Variants in IRAK1BP1 observed in about 807,000 individuals in gnomAD.
The protein encoded by IRAK1BP1 is interleukin 1 receptor associated kinase 1 binding protein 1.
IRAK1BP1 carries 24 observed loss-of-function variants against 28.0 expected under a neutral mutation model. The observed-to-expected ratio is 0.86, with a 90% confidence interval of 0.62 to 1.20. The LOEUF is 1.20. IRAK1BP1 is among the 50% of genes most tolerant of loss of function. IRAK1BP1 has a pLI of 0.00. For missense variants in IRAK1BP1, 336 were observed against 316.7 expected (o/e 1.06, Z -0.46); for synonymous variants, 131 against 116.3 (o/e 1.13, Z -0.81).
chr6:78,953,530 A>T, the IRAK1BP1 span, among the ~76,000 whole-genome samples: 1 of 152,250 alleles, frequency 6.6e-6, no homozygotes. Flanking sequence ...AATGAAAGCC[A>T]GAACATTATA....
At chr6:78,924,675 TA>T (rs1772838486) in intron 4 of IRAK1BP1, among the ~76,000 whole-genome samples, 1 of 152,060 alleles carries the variant, frequency 6.6e-6, no homozygotes, top group African/African-American at 2.4e-5. Flanking sequence ...CTTCATAAAA[TA>T]CTGGCAAACT....
the IRAK1BP1 span, among the ~76,000 whole-genome samples, chr6:78,952,433 A>C: frequency 1.3e-5 from 2 of 150,972 alleles, no homozygotes; most frequent in Admixed American, 6.6e-5. Flanking sequence ...AAAAAGAAAA[A>C]AAAAAAAGAA....
intron 2 of IRAK1BP1, among the ~76,000 whole-genome samples, chr6:78,894,132 G>A (rs1771795774): frequency 1.3e-5 from 2 of 151,950 alleles, no homozygotes; most frequent in South Asian, 4.2e-4. Flanking sequence ...AAATAATGGA[G>A]TTACGGCTAA....
At chr6:78,966,083 C>T in the IRAK1BP1 span, 1 of 1,368,952 alleles carries the variant, frequency 7.3e-7, no homozygotes, top group Non-Finnish European at 1.0e-6. Flanking sequence ...ACTAACTCAT[C>T]ATTCTGAAAT....
At chr6:78,941,822 G>A (rs1290135475) in intron 4 of IRAK1BP1, among the ~76,000 whole-genome samples, 1 of 152,096 alleles carries the variant, frequency 6.6e-6, no homozygotes, top group Non-Finnish European at 1.5e-5. Flanking sequence ...ATCACTATGT[G>A]TGCCACCATT....
At chr6:78,927,952 T>C (rs528548666) in intron 4 of IRAK1BP1, among the ~76,000 whole-genome samples, 10 of 152,304 alleles carry the variant, frequency 6.6e-5, no homozygotes, top group Non-Finnish European at 1.2e-4. Flanking sequence ...TGTAGTATAA[T>C]TTGGAGTCAG....
At chr6:78,919,494 G>A (rs1266078466) in intron 4 of IRAK1BP1, among the ~76,000 whole-genome samples, 1 of 152,068 alleles carries the variant, frequency 6.6e-6, no homozygotes, top group Non-Finnish European at 1.5e-5. Flanking sequence ...AGCACAATTA[G>A]AAATTACAAA....
intron 1 of IRAK1BP1, chr6:78,872,022 TC>T (rs1770811620): frequency 1.6e-6 from 1 of 633,118 alleles, no homozygotes; most frequent in Non-Finnish European, 2.8e-6. Context: ...TAAAGTCCTC[TC>T]CCCCAGCCCC....
At chr6:78,931,935 G>A (rs1348364999) in intron 4 of IRAK1BP1, among the ~76,000 whole-genome samples, 6 of 152,132 alleles carry the variant, frequency 3.9e-5, no homozygotes, top group Admixed American at 2.6e-4. Flanking sequence ...TAGAACTTTC[G>A]AAATTGGAGT....
chr6:78,903,130 G>T, downstream of IRAK1BP1: 1 of 1,265,108 alleles, frequency 7.9e-7, no homozygotes, highest in South Asian at 1.3e-5. Context: ...TTCATTATAA[G>T]AGTGAGAAAA....
At chr6:78,970,074 G>C in the IRAK1BP1 span, 3 of 1,613,514 alleles carry the variant, frequency 1.9e-6, no homozygotes, top group Non-Finnish European at 1.7e-6. Flanking sequence ...CCGCCAGTCA[G>C]TTTACCAGTA....
chr6:78,965,689 TA>T, the IRAK1BP1 span: 1 of 1,452,374 alleles, frequency 6.9e-7, no homozygotes, highest in Non-Finnish European at 9.6e-7. Flanking sequence ...ACAAAAAGCC[TA>T]ACACACACTT....
intron 1 of IRAK1BP1, among the ~76,000 whole-genome samples, chr6:78,868,856 A>C (rs1210366887): frequency 6.6e-6 from 1 of 152,228 alleles, no homozygotes; most frequent in Admixed American, 6.5e-5. Flanking sequence ...AGGACCCCAA[A>C]GGCCAGAGAT....
At chr6:78,947,869 C>T (rs144013355), downstream of IRAK1BP1, 101 of 784,074 alleles carry the variant, frequency 1.3e-4, 1 homozygote, top group East Asian at 2.6e-3. Context: ...ATGATGACTG[C>T]AAGTCCTAGA....
chr6:78,923,143 C>G (rs965834961), intron 4 of IRAK1BP1, among the ~76,000 whole-genome samples: 2 of 152,052 alleles, frequency 1.3e-5, no homozygotes, highest in Admixed American at 6.5e-5. Flanking sequence ...TGGATAAAGA[C>G]TCAAGACCCA....
chr6:78,940,410 TCAAA>T (rs1256861331), intron 4 of IRAK1BP1: 2 of 153,116 alleles, frequency 1.3e-5, no homozygotes, highest in African/African-American at 4.8e-5. Flanking sequence ...TTCTTTCGTT[TCAAA>T]CAGTGAATGA....
intron 4 of IRAK1BP1, among the ~76,000 whole-genome samples, chr6:78,908,615 A>G (rs570767619): frequency 2.0e-5 from 3 of 152,224 alleles, no homozygotes; most frequent in Non-Finnish European, 2.9e-5. Context: ...TGCTAGGATT[A>G]CAGGTGTAAG....
the IRAK1BP1 span, among the ~76,000 whole-genome samples, chr6:78,964,147 CATA>C: frequency 6.6e-6 from 1 of 152,154 alleles, no homozygotes; most frequent in South Asian, 2.1e-4. Flanking sequence ...AAAACAAAAA[CATA>C]AGCCATGTAA....
downstream of IRAK1BP1, among the ~76,000 whole-genome samples, chr6:78,905,610 T>C (rs541314657): frequency 6.6e-6 from 1 of 152,254 alleles, no homozygotes; most frequent in East Asian, 1.9e-4. Flanking sequence ...TTGTTAGAAA[T>C]GTTTTTTTTG....
Sources: gnomAD v4.1 joint callset for allele counts (sites outside exome capture counted in the v4.1 genomes callset) on GRCh38, gnomAD v4.1.1 for gene constraint, MANE v1.5 for transcripts, NCBI Gene and HGNC (gene_info 2026-07-23, HGNC 2026-07-21) for gene names.